Variants in RELN observed in about 807,000 individuals in gnomAD.
RELN encodes reelin.
RELN carries 108 observed loss-of-function variants against 427.6 expected under a neutral mutation model. The ratio of observed to expected loss-of-function variants is 0.25; its 90% confidence interval spans 0.22 to 0.30. RELN has a LOEUF of 0.30. Among genes scored for constraint, RELN ranks in the 10% least tolerant of loss-of-function variants. The probability of loss-of-function intolerance (pLI) is 1.00; values close to 1 mark genes in which losing one functional copy is unlikely to be tolerated. For missense variants in RELN, 3,715 were observed against 4,302.8 expected (o/e 0.86, Z 3.82); for synonymous variants, 1,524 against 1,513.4 (o/e 1.01, Z -0.16).
At chr7:103,907,449 G>T (rs1180410457) in intron 2 of RELN, among the ~76,000 whole-genome samples, 1 of 122,338 alleles carries the variant, frequency 8.2e-6, no homozygotes, top group African/African-American at 2.8e-5. Context: ...AAAAAGCCAG[G>T]CACAAAAGGC....
chr7:103,759,754 C>T (rs1039043429), intron 4 of RELN, among the ~76,000 whole-genome samples: 2 of 152,042 alleles, frequency 1.3e-5, no homozygotes, highest in Non-Finnish European at 2.9e-5. Flanking sequence ...ACTTTGTGAA[C>T]ATTACCTTTA....
intron 3 of RELN, among the ~76,000 whole-genome samples, chr7:103,797,834 T>A (rs1294936670): frequency 6.6e-6 from 1 of 152,150 alleles, no homozygotes; most frequent in Non-Finnish European, 1.5e-5. Context: ...AGGTAACAAA[T>A]CAAAGCCAAA....
intron 1 of RELN, among the ~76,000 whole-genome samples, chr7:103,974,780 G>C (rs1222226400): frequency 6.6e-6 from 1 of 152,092 alleles, no homozygotes; most frequent in Non-Finnish European, 1.5e-5. Context: ...AACGATTTTG[G>C]TTTCTATCCT....
chr7:103,583,630 G>A (rs1831204269), intron 28 of RELN, among the ~76,000 whole-genome samples: 1 of 152,162 alleles, frequency 6.6e-6, no homozygotes, highest in African/African-American at 2.4e-5. Context: ...ATTATGAGTA[G>A]ATAACCATAC....
chr7:103,736,418 T>C (rs2115982340), intron 6 of RELN, among the ~76,000 whole-genome samples: 1 of 152,340 alleles, frequency 6.6e-6, no homozygotes. Context: ...AGACTGAGAA[T>C]ATTACCTTCA....
intron 4 of RELN, among the ~76,000 whole-genome samples, chr7:103,770,009 C>A (rs919464202): frequency 6.6e-6 from 1 of 152,126 alleles, no homozygotes; most frequent in Admixed American, 6.5e-5. Context: ...AGCATCGAAT[C>A]CAGAGCAAAG....
rs1405462919 is a variant in RELN, at chr7:103,495,769, G to A, written c.9323C>T (p.Ser3108Phe). ...TGGCTGTATAATGAGTTCTCGGGAG[G>A]AGAGAGCATTGTGAGTCTTGTCCTT... Reference protein sequence around the residue: ...KKKDKTHNALSSRELIIQPGY... With the variant: ...KKKDKTHNALFSRELIIQPGY... The change falls in exon 57 of 65, where the codon TCC becomes TTC. Residue 3108 changes from serine to phenylalanine, a missense_variant. By Grantham distance (155) the Ser-to-Phe change is radical. Coordinates refer to ENST00000428762, the MANE Select transcript of RELN (RefSeq NM_005045.4). 6.2e-7 allele frequency: 1 copy of A among 1,613,902 alleles called. No individual in the cohort carries two copies. Among genetic ancestry groups the A allele is most frequent in the African/African-American group, 1.3e-5 (1 of 74,892 alleles).
At chr7:103,941,139 T>A (rs2116736071) in intron 1 of RELN, among the ~76,000 whole-genome samples, 1 of 152,200 alleles carries the variant, frequency 6.6e-6, no homozygotes, top group East Asian at 1.9e-4. Context: ...TGGTACAATT[T>A]CTCTAAGACA....
chr7:103,889,250 A>G (rs2299398), intron 2 of RELN, among the ~76,000 whole-genome samples: 100,604 of 152,056 alleles, frequency 0.66, 33,335 homozygotes, highest in East Asian at 0.78. Context: ...CTTTTCTGAT[A>G]TCACACCTTT....
intron 3 of RELN, among the ~76,000 whole-genome samples, chr7:103,797,383 G>A (rs113019958): frequency 0.012 from 1,898 of 152,234 alleles, 37 homozygotes; most frequent in African/African-American, 0.043. Context: ...GGGATTACAG[G>A]TGTGAGTCAC....
At chr7:103,961,550 G>A (rs553008724) in intron 1 of RELN, among the ~76,000 whole-genome samples, 1 of 152,306 alleles carries the variant, frequency 6.6e-6, no homozygotes, top group Non-Finnish European at 1.5e-5. Context: ...AAGCTCAAGA[G>A]CAAAGCGTAT....
chr7:103,972,105 A>T (rs540496073), intron 1 of RELN, among the ~76,000 whole-genome samples: 2 of 152,130 alleles, frequency 1.3e-5, no homozygotes, highest in African/African-American at 4.8e-5. Context: ...ATAAAAAAAT[A>T]AAAAAATCTC....
At chr7:103,979,554 G>A (rs1796948516) in intron 1 of RELN, among the ~76,000 whole-genome samples, 2 of 152,148 alleles carry the variant, frequency 1.3e-5, no homozygotes, top group South Asian at 4.1e-4. Flanking sequence ...ACTCCACAAA[G>A]GCAAGTAAAA....
At chr7:103,940,154 G>T (rs1796080546) in intron 1 of RELN, among the ~76,000 whole-genome samples, 1 of 152,152 alleles carries the variant, frequency 6.6e-6, no homozygotes, top group Non-Finnish European at 1.5e-5. Flanking sequence ...ATTTGCCTCG[G>T]TAATTTACTG....
intron 1 of RELN, among the ~76,000 whole-genome samples, chr7:103,918,836 T>A (rs1795547367): frequency 6.6e-6 from 1 of 152,018 alleles, no homozygotes; most frequent in Non-Finnish European, 1.5e-5. Context: ...CTTTCCAGAG[T>A]GCAAGACAGA....
chr7:103,672,942 T>C, intron 11 of RELN, among the ~76,000 whole-genome samples: 1 of 152,146 alleles, frequency 6.6e-6, no homozygotes, highest in African/African-American at 2.4e-5. Context: ...CTTATTTTAA[T>C]ATGCCTCCTT....
At chr7:103,926,627 GTTTTTTTTTTTTTT>G (rs60259062) in intron 1 of RELN, among the ~76,000 whole-genome samples, 5 of 99,462 alleles carry the variant, frequency 5.0e-5, no homozygotes, top group Non-Finnish European at 1.0e-4. Flanking sequence ...AGTATCATAA[GTTTTTTTTTTTTTT>G]TTTTTTTTTT....
intron 8 of RELN, among the ~76,000 whole-genome samples, chr7:103,703,067 C>T (rs1834126671): frequency 1.3e-5 from 2 of 152,120 alleles, no homozygotes; most frequent in Admixed American, 6.5e-5. Flanking sequence ...GGGTGGACAA[C>T]TGGAAGACCA....
intron 2 of RELN, among the ~76,000 whole-genome samples, chr7:103,893,564 G>C (rs918174901): frequency 2.0e-5 from 3 of 152,124 alleles, no homozygotes; most frequent in Non-Finnish European, 4.4e-5. Flanking sequence ...ATATGCTAAA[G>C]ATCTAATGTA....
Sources: allele counts gnomAD v4.1 joint callset (sites outside exome capture counted in the v4.1 genomes callset), GRCh38; gene constraint gnomAD v4.1.1; transcripts MANE v1.5; gene names NCBI Gene and HGNC (gene_info 2026-07-23, HGNC 2026-07-21).